The following SRP68 variants were observed in gnomAD, a reference collection of about 807,000 sequenced individuals.
SRP68 encodes the protein signal recognition particle 68.
In SRP68, 15 loss-of-function variants were observed where a neutral mutation model predicts 82.2. The ratio of observed to expected loss-of-function variants is 0.18; its 90% confidence interval spans 0.12 to 0.28. SRP68 has a LOEUF of 0.28. SRP68 is among the 10% of genes least tolerant of loss of function. SRP68 has a pLI of 1.00. For missense variants in SRP68, 595 were observed against 780.5 expected (o/e 0.76, Z 2.83); for synonymous variants, 261 against 292.6 (o/e 0.89, Z 1.10).
intron 10 of SRP68, among the ~76,000 whole-genome samples, 188 bp from the exon 11 acceptor site, chr17:76,046,382 G>A (rs923531531): frequency 4.0e-5 from 6 of 151,814 alleles, no homozygotes; most frequent in Non-Finnish European, 7.4e-5. Context: ...AGTTTGCAGG[G>A]GACCCGCATG....
chr17:76,044,930 C>T (rs546080681), intron 12 of SRP68: 6 of 162,608 alleles, frequency 3.7e-5, no homozygotes, highest in South Asian at 1.7e-4. Context: ...TTAATAGAGA[C>T]GGAGTTTCTC....
At chr17:76,063,857 G>GT (rs879076182) in intron 4 of SRP68, 119 bp downstream of exon 4, 1 of 873,288 alleles carries the variant, frequency 1.1e-6, no homozygotes, top group African/African-American at 1.7e-5. Flanking sequence ...AGTTCGGAAA[G>GT]TTTTTTTCCT....
At chr17:76,043,337 C>G (rs1567925897) in intron 13 of SRP68, 2 of 152,092 alleles carry the variant, frequency 1.3e-5, no homozygotes, top group African/African-American at 4.8e-5. Flanking sequence ...CCTAGTGAGG[C>G]CCCGCCGCTG....
intron 3 of SRP68, 45 bp from the exon 4 acceptor site, chr17:76,064,216 G>C: frequency 6.5e-7 from 1 of 1,548,216 alleles, no homozygotes; most frequent in Non-Finnish European, 8.9e-7. Context: ...GCCATCAACA[G>C]ACCCAGATAT....
chr17:76,067,131 A>T, intron 3 of SRP68, 86 bp downstream of exon 3: 1 of 1,017,880 alleles, frequency 9.8e-7, no homozygotes, highest in Non-Finnish European at 1.5e-6. Context: ...AGATAATTAA[A>T]AGGTTTGGCA....
intron 7 of SRP68, among the ~76,000 whole-genome samples, 177 bp downstream of exon 7, chr17:76,060,131 A>AAC (rs2066741519): frequency 7.0e-6 from 1 of 142,242 alleles, no homozygotes. Context: ...ATCTCAAAAA[A>AAC]AAAAAAAAAA....
chr17:76,067,110 C>A, intron 3 of SRP68, 107 bp downstream of exon 3: 1 of 852,786 alleles, frequency 1.2e-6, no homozygotes, highest in South Asian at 1.4e-5. Context: ...TAAACAATGC[C>A]CAGCCCACAG....
At chr17:76,064,267 A>C (rs1598269411) in intron 3 of SRP68, 96 bp from the exon 4 acceptor site, 2 of 1,099,114 alleles carry the variant, frequency 1.8e-6, no homozygotes, top group Admixed American at 2.2e-5. Flanking sequence ...TTTTCTTTAT[A>C]CTCTCCCGCC....
At chr17:76,051,835 G>A (rs1383474779) in intron 8 of SRP68, among the ~76,000 whole-genome samples, 3 of 152,144 alleles carry the variant, frequency 2.0e-5, no homozygotes, top group Admixed American at 1.3e-4. Context: ...TCTCTGCCAC[G>A]GGCAATGTCC....
At position 76,039,235 on chromosome 17, in the gene SRP68, G is replaced by A. The variant is rs75533415; in HGVS notation, c.*471C>T. The A allele has an allele frequency of 2.1e-3, 879 of 428,726 alleles. 6 individuals carry two copies. The highest frequency in any genetic ancestry group is 0.016 in the African/African-American group (794 of 49,682). 26.6% of individuals were successfully genotyped at this position (428,726 alleles called of 1,614,324 possible). ...TCACTGGGAGGTGAAGGGGAATAAG[G>A]CTGACCGTAATTCTGGGGTGACGTT... On this transcript the variant is annotated 3_prime_UTR_variant, in exon 16 of 16. Coordinates refer to ENST00000307877, the MANE Select transcript of SRP68 (RefSeq NM_014230.4).
At chr17:76,068,513 G>A (rs2066824945) in intron 2 of SRP68, among the ~76,000 whole-genome samples, 1 of 150,484 alleles carries the variant, frequency 6.6e-6, no homozygotes, top group African/African-American at 2.4e-5. Context: ...TAAATGTAAA[G>A]AAAGCAGGGA....
chr17:76,056,765 C>T (rs548041708), intron 8 of SRP68, among the ~76,000 whole-genome samples: 1 of 152,328 alleles, frequency 6.6e-6, no homozygotes, highest in Admixed American at 6.5e-5. Context: ...AGACTGTCAG[C>T]AGCCTGTTTT....
chr17:76,069,222 T>C (rs1197118914), intron 2 of SRP68, among the ~76,000 whole-genome samples: 1 of 150,608 alleles, frequency 6.6e-6, no homozygotes, highest in Non-Finnish European at 1.5e-5. Flanking sequence ...ACCCCATCTC[T>C]ACTAAAAATA....
In SRP68 at chr17:76,046,480, A is replaced by AAC. The variant is rs1555627851; in HGVS notation, c.1143-287_1143-286insGT. On this transcript the variant is annotated intron_variant, in intron 10 of 15. Coordinates refer to ENST00000307877, the MANE Select transcript of SRP68 (RefSeq NM_014230.4). ...CCACACAGTGGAAAAAAAAAAAAAAAAAAACAAAAAACAGAGAGTGGGATC... is the reference window on the plus strand; with the variant it reads ...CCACACAGTGGAAAAAAAAAAAAAAAACAAAACAAAAAACAGAGAGTGGGATC... Among the ~76,000 whole-genome samples, 240 of 146,516 alleles carry AAC rather than the reference A, an allele frequency of 1.6e-3. 2 individuals are homozygous for AAC. The highest frequency in any genetic ancestry group is 0.01 in the East Asian group (52 of 5,056).
chr17:76,045,228 C>T, intron 12 of SRP68, 64 bp downstream of exon 12: 1 of 1,301,154 alleles, frequency 7.7e-7, no homozygotes, highest in South Asian at 1.2e-5. Context: ...TGGGCTGGGT[C>T]ATGCTCCCAA....
intron 8 of SRP68, among the ~76,000 whole-genome samples, chr17:76,057,006 C>G (rs2066718106): frequency 6.6e-6 from 1 of 152,182 alleles, no homozygotes; most frequent in South Asian, 2.1e-4. Flanking sequence ...ACCAGGCTAT[C>G]CTGCAAAGCC....
intron 14 of SRP68, 74 bp downstream of exon 14, chr17:76,040,829 G>T: frequency 7.3e-7 from 1 of 1,372,210 alleles, no homozygotes; most frequent in Non-Finnish European, 1.0e-6. Context: ...TAAAACAGTA[G>T]TATGGGGTGT....
intron 7 of SRP68, among the ~76,000 whole-genome samples, chr17:76,059,680 C>G (rs2144512781): frequency 6.6e-6 from 1 of 151,856 alleles, no homozygotes; most frequent in Non-Finnish European, 1.5e-5. Context: ...AGAACAGTGG[C>G]TCATGCCTGT....
In SRP68 at chr17:76,046,163, T is replaced by C; in HGVS notation, c.1174A>G (p.Ile392Val). 2 of 1,613,890 alleles carry C rather than the reference T, an allele frequency of 1.2e-6. No homozygotes were observed. Among genetic ancestry groups the C allele is most frequent in the South Asian group, 2.2e-5 (2 of 91,064 alleles). ...YLTYIKLSTAIKRNENMAKGL... is the reference protein window; with the variant it reads ...YLTYIKLSTAVKRNENMAKGL... ...TTGGCCATGTTCTCATTACGCTTGA[T>C]TGCCGTTGATAGCTTGATGTAAGTC... is the stretch of plus-strand genomic sequence containing the variant. The change falls in exon 11 of 16, where the codon ATC becomes GTC. Residue 392 changes from isoleucine (I) to valine (V), a missense_variant. By Grantham distance (29) the Ile-to-Val change is conservative. Coordinates refer to ENST00000307877, the MANE Select transcript of SRP68 (RefSeq NM_014230.4).
Sources: gnomAD v4.1 joint callset for allele counts (sites outside exome capture counted in the v4.1 genomes callset) on GRCh38, gnomAD v4.1.1 for gene constraint, MANE v1.5 for transcripts, NCBI Gene and HGNC (gene_info 2026-07-23, HGNC 2026-07-21) for gene names.